The following RYR1 variants were observed in gnomAD, a reference collection of about 807,000 sequenced individuals.
RYR1 encodes the protein central core disease of muscle.
In RYR1, 342 loss-of-function variants were observed where a neutral mutation model predicts 583.5. That is an observed-to-expected ratio of 0.59 (90% confidence interval 0.54 to 0.64). The LOEUF (loss-of-function observed/expected upper bound fraction) is 0.64. RYR1 is among the 30% of genes least tolerant of loss of function. The probability of loss-of-function intolerance (pLI) is 0.00; values close to 1 mark genes in which losing one functional copy is unlikely to be tolerated. For synonymous variants in RYR1, 2,791 were observed against 2,822.5 expected, an observed-to-expected ratio of 0.99 and a Z score of 0.35; for missense variants, 6,032 against 6,917.2, an observed-to-expected ratio of 0.87 and a Z score of 4.54.
chr19:38,478,306 G>A (rs1209189707), intron 30 of RYR1, 129 bp from the exon 31 acceptor site: 4 of 1,007,254 alleles, frequency 4.0e-6, no homozygotes, highest in Non-Finnish European at 6.1e-6. Context: ...CAGCTCTCAG[G>A]TCTGCAGGCG....
At chr19:38,508,766 A>G (rs1970594587) in intron 58 of RYR1, among the ~76,000 whole-genome samples, 1 of 152,188 alleles carries the variant, frequency 6.6e-6, no homozygotes. Flanking sequence ...GGGGCAGATC[A>G]TGCAGGGCTT....
intron 71 of RYR1, among the ~76,000 whole-genome samples, chr19:38,525,843 C>T (rs897984760): frequency 3.3e-5 from 5 of 151,688 alleles, no homozygotes; most frequent in Admixed American, 1.3e-4. Flanking sequence ...CTGAGAGTCC[C>T]CCCAACAAGA....
At chr19:38,513,063 C>T (rs951307619) in intron 63 of RYR1, among the ~76,000 whole-genome samples, 1 of 152,172 alleles carries the variant, frequency 6.6e-6, no homozygotes, top group South Asian at 2.1e-4. Context: ...CTTGGCCGAG[C>T]GCAGTGGCTC....
intron 70 of RYR1, 129 bp downstream of exon 70, chr19:38,524,058 C>A: frequency 9.8e-7 from 1 of 1,024,306 alleles, no homozygotes; most frequent in Non-Finnish European, 1.5e-6. Flanking sequence ...TCCCAGCCCC[C>A]ACCCATCCTC....
In RYR1 at chr19:38,442,497, G is replaced by A. The variant is rs369458972; in HGVS notation, c.270+44G>A. 1.7e-4 allele frequency: 245 copies of A among 1,471,830 alleles called. 6 individuals are homozygous for A. The highest frequency in any genetic ancestry group is 9.3e-4 in the East Asian group (41 of 44,198). 91.2% of individuals were successfully genotyped at this position (1,471,830 alleles called of 1,614,324 possible). ...GGTGGGCGGGGTGGCAGAGATGGGC[G>A]AGAGGACCCAGGGGTCGTTTAGGGC... On this transcript the variant is annotated intron_variant, in intron 3 of 105. Coordinates refer to ENST00000359596, the MANE Select transcript of RYR1 (RefSeq NM_000540.3).
rs1208610861 is a variant in RYR1, at chr19:38,478,418, G to A, written c.4455-17G>A. The stretch of plus-strand genomic sequence containing the variant: ...TACTCACATGAGGAGTGCAGTGACC[G>A]CTTCTGTCTCCTGCAGCCTCAAGTG... On this transcript the variant is annotated splice_polypyrimidine_tract_variant and intron_variant, in intron 30 of 105. Coordinates refer to ENST00000359596, the MANE Select transcript of RYR1 (RefSeq NM_000540.3). 7.4e-6 allele frequency: 12 copies of A among 1,611,244 alleles called. No individual in the cohort carries two copies. In the East Asian group the frequency reaches 8.9e-5, roughly 12 times the overall value.
At chr19:38,587,002 C>T (rs1974521102) in intron 105 of RYR1, among the ~76,000 whole-genome samples, 1 of 152,002 alleles carries the variant, frequency 6.6e-6, no homozygotes, top group South Asian at 2.1e-4. Flanking sequence ...GGCGTCCTGG[C>T]TCACGCCTGC....
In RYR1 at chr19:38,496,603, C is replaced by T; in HGVS notation, c.6796+62C>T. On this transcript the variant is annotated intron_variant, in intron 41 of 105. Transcript: ENST00000359596. This position sits in a 1 kb window ranked among gnomAD's most constrained non-coding sequence, Gnocchi z 4.8. ...CCCACTCCTGGCACCCCGTCCAGGC[C>T]TGCCCCACTTTCCACCAGCTCACTC... is the stretch of plus-strand genomic sequence containing the variant. The T allele has an allele frequency of 6.3e-7, 1 of 1,593,878 alleles. No individual in the cohort carries two copies. Among genetic ancestry groups the T allele is most frequent in the South Asian group, 1.1e-5 (1 of 90,570 alleles).
At chr19:38,511,053 T>G (rs545469922) in intron 60 of RYR1, among the ~76,000 whole-genome samples, 1 of 152,156 alleles carries the variant, frequency 6.6e-6, no homozygotes, top group Non-Finnish European at 1.5e-5. Context: ...TCCAACACTT[T>G]GGGAAGCTGA....
rs1972864887 is a variant in RYR1, at chr19:38,444,874, C to A, written c.631+197C>A. On this transcript the variant is annotated intron_variant, in intron 7 of 105. Coordinates refer to ENST00000359596, the MANE Select transcript of RYR1 (RefSeq NM_000540.3). The surrounding 1 kb of genome is among the most constrained non-coding windows in gnomAD (Gnocchi z 5.1). ...GCTCAGAACCCCCCCAAACCCCGAACTAAATATCAGGCTCCCAAACTTAGA... is the reference window on the plus strand; with the variant it reads ...GCTCAGAACCCCCCCAAACCCCGAAATAAATATCAGGCTCCCAAACTTAGA... Among the ~76,000 whole-genome samples, 1 of 150,656 alleles carries A rather than the reference C, an allele frequency of 6.6e-6. No individual in the cohort carries two copies. The highest frequency in any genetic ancestry group is 1.5e-5 in the Non-Finnish European group (1 of 67,718).
intron 20 of RYR1, among the ~76,000 whole-genome samples, chr19:38,462,891 C>CTTTTTTTTTTTT (rs553168266): frequency 1.3e-5 from 1 of 78,754 alleles, no homozygotes; most frequent in Non-Finnish European, 2.3e-5. Flanking sequence ...ACTCTCTCTT[C>CTTTTTTTTTTTT]TTTTTTTTTT....
chr19:38,492,604 A>T lies in RYR1; in HGVS notation c.6242A>T (p.Glu2081Val). Reference protein sequence around the residue: ...RLVKKKEEKPEEERSAEESKP... With the variant: ...RLVKKKEEKPVEERSAEESKP... Reference sequence around the variant, plus strand: ...GTGAAGAAGAAGGAAGAGAAACCTGAGGAGGAGCGGTCAGCAGAGGAGAGC... The same window carrying T: ...GTGAAGAAGAAGGAAGAGAAACCTGTGGAGGAGCGGTCAGCAGAGGAGAGC... Residue 2081 changes from glutamate (E) to valine (V), a missense_variant, in exon 38 of 106, where the codon GAG becomes GTG. Transcript: ENST00000359596. 6.5e-7 allele frequency: 1 copy of T among 1,528,276 alleles called. No homozygotes were observed. 94.7% of individuals were successfully genotyped at this position (1,528,276 alleles called of 1,614,324 possible). A position where few individuals can be genotyped will look rare whatever the true frequency, so the allele number is the denominator to read the frequency against.
rs760447175 is a variant in RYR1 at position 38,483,413 on chromosome 19, T to G, written c.4831T>G (p.Phe1611Val). Residue 1611 changes from phenylalanine (F) to valine (V), a missense_variant, in exon 33 of 106, where the codon TTC (phenylalanine) becomes GTC (valine). Physicochemically the swap from Phe to Val is conservative, Grantham distance 50. Coordinates refer to ENST00000359596, the MANE Select transcript of RYR1 (RefSeq NM_000540.3). This position sits in a 1 kb window ranked among gnomAD's most constrained non-coding sequence, Gnocchi z 6.3. ...GTCCTGGAGCCGCATGCCCAACCAC[T>G]TCCTGCAGGTGGAGACGAGGCGTGC... ...PVSWSRMPNH[F>V]LQVETRRAGE... 1.9e-6 allele frequency: 3 copies of G among 1,576,036 alleles called. No individual in the cohort carries two copies. In the South Asian group the frequency reaches 3.5e-5, roughly 18 times the overall value.
Position 38,499,765 on chromosome 19 carries a change from C to A in RYR1, c.7158C>A (p.Ile2386=), listed in dbSNP as rs761292590. 1.6e-5 allele frequency: 25 copies of A among 1,602,352 alleles called. No individual in the cohort carries two copies. Among genetic ancestry groups the A allele is most frequent in the South Asian group, 8.8e-5 (8 of 90,684 alleles). The stretch of plus-strand genomic sequence containing the variant: ...CTGCCATCGAAGAGGCCATCCGCAT[C>A]TCCGAGGACCCTGCGAGGGATGGCC... ...LLAAIEEAIR[I]SEDPARDGPG... The change falls in exon 44 of 106, where the codon ATC becomes ATA. Residue 2386 remains isoleucine (I), a synonymous_variant. Transcript: ENST00000359596. This position sits in a 1 kb window ranked among gnomAD's most constrained non-coding sequence, Gnocchi z 7.3.
rs4632259 is a variant in RYR1 at position 38,433,722 on chromosome 19, T to A, written c.-108T>A. The A allele has an allele frequency of 2.5e-6, 2 of 808,134 alleles. No individual in the cohort carries two copies. The highest frequency in any genetic ancestry group is 4.2e-6 in the Non-Finnish European group (2 of 475,414). The allele number at this position is 808,134 out of a possible 1,614,324, so 50.1% of individuals were successfully genotyped here. A position where few individuals can be genotyped will look rare whatever the true frequency, so the allele number is the denominator to read the frequency against. ...CCATCTACCTCGCGGGTGCCTCTGGTGTCTCCAGAGGTCTCCGACCCCAGC... is the reference window on the plus strand; with the variant it reads ...CCATCTACCTCGCGGGTGCCTCTGGAGTCTCCAGAGGTCTCCGACCCCAGC... On this transcript the variant is annotated 5_prime_UTR_variant, in exon 1 of 106. Coordinates refer to ENST00000359596, the MANE Select transcript of RYR1 (RefSeq NM_000540.3).
chr19:38,508,522 A>G (rs904846332), intron 58 of RYR1, among the ~76,000 whole-genome samples: 2 of 152,132 alleles, frequency 1.3e-5, no homozygotes, highest in Admixed American at 6.5e-5. Flanking sequence ...GCCAGTTGTA[A>G]TTTTAAATAG....
chr19:38,580,837 A>ACCCTATC (rs1319650852), intron 101 of RYR1, among the ~76,000 whole-genome samples: 1 of 151,566 alleles, frequency 6.6e-6, no homozygotes, highest in East Asian at 1.9e-4. Flanking sequence ...ACAGACAGAG[A>ACCCTATC]CCCTATCTCT....
At chr19:38,443,850 G>T in intron 5 of RYR1, 54 bp downstream of exon 5, 2 of 1,526,100 alleles carry the variant, frequency 1.3e-6, no homozygotes, top group South Asian at 1.1e-5. Context: ...CAGGGATTCA[G>T]GGGGTAGAAG....
chr19:38,580,292 G>C, intron 100 of RYR1, 78 bp from the exon 101 acceptor site: 1 of 1,598,742 alleles, frequency 6.3e-7, no homozygotes, highest in Non-Finnish European at 8.5e-7. Flanking sequence ...GACTGAACCG[G>C]GGCCAGGACC....
Sources: allele counts gnomAD v4.1 joint callset (sites outside exome capture counted in the v4.1 genomes callset), GRCh38; gene constraint gnomAD v4.1.1; non-coding constraint Gnocchi (gnomAD v3.1); transcripts MANE v1.5; gene names NCBI Gene and HGNC (gene_info 2026-07-23, HGNC 2026-07-21).